The following LRRC4C variants were observed in gnomAD, a reference collection of about 807,000 sequenced individuals.
LRRC4C encodes the protein leucine rich repeat containing 4C.
LRRC4C carries 5 observed loss-of-function variants against 33.6 expected under a neutral mutation model. That is an observed-to-expected ratio of 0.15 (90% confidence interval 0.08 to 0.31). LRRC4C has a LOEUF of 0.31. Among genes scored for constraint, LRRC4C ranks in the 10% least tolerant of loss-of-function variants. The pLI is 1.00. For synonymous variants in LRRC4C, 329 were observed against 302.0 expected (o/e 1.09, Z -0.93); for missense variants, 560 against 796.7 (o/e 0.70, Z 3.58).
chr11:41,068,733 A>G (rs1938450780), intron 1 of LRRC4C, among the ~76,000 whole-genome samples: 1 of 152,160 alleles, frequency 6.6e-6, no homozygotes, highest in Non-Finnish European at 1.5e-5. Context: ...ACCAATAACA[A>G]GTTTTGAAAT....
intron 3 of LRRC4C, among the ~76,000 whole-genome samples, chr11:40,501,130 C>T (rs1565451298): frequency 1.5e-4 from 1 of 6,644 alleles, no homozygotes; most frequent in African/African-American, 6.7e-4. Context: ...CCAGGTCACA[C>T]TGGTGCAAGG....
At chr11:41,278,186 A>T (rs193165620) in intron 1 of LRRC4C, among the ~76,000 whole-genome samples, 1 of 152,314 alleles carries the variant, frequency 6.6e-6, no homozygotes, top group African/African-American at 2.4e-5. Flanking sequence ...GTGTATATTA[A>T]GTGTTCTCAC....
chr11:40,804,162 A>T (rs1951154671), intron 2 of LRRC4C, among the ~76,000 whole-genome samples: 1 of 152,134 alleles, frequency 6.6e-6, no homozygotes, highest in Non-Finnish European at 1.5e-5. Flanking sequence ...TAAAAATACC[A>T]ATCTTCTCAT....
chr11:40,999,512 C>T (rs1038291134), intron 1 of LRRC4C, among the ~76,000 whole-genome samples: 1 of 152,094 alleles, frequency 6.6e-6, no homozygotes, highest in Non-Finnish European at 1.5e-5. Context: ...AAAAACTAAG[C>T]TCTGCAAATT....
intron 1 of LRRC4C, among the ~76,000 whole-genome samples, chr11:41,083,305 C>T (rs548701655): frequency 7.9e-5 from 12 of 152,034 alleles, no homozygotes; most frequent in Admixed American, 1.3e-4. Context: ...TTACCATATG[C>T]GAGTTACCCA....
intron 3 of LRRC4C, among the ~76,000 whole-genome samples, chr11:40,594,014 T>C (rs936563013): frequency 6.6e-5 from 10 of 152,194 alleles, no homozygotes; most frequent in Non-Finnish European, 1.2e-4. Flanking sequence ...GCTGAAGCTT[T>C]GGAAGCTCAA....
intron 6 of LRRC4C, among the ~76,000 whole-genome samples, chr11:40,119,741 A>C (rs1283163265): frequency 6.6e-6 from 1 of 152,146 alleles, no homozygotes; most frequent in African/African-American, 2.4e-5. Flanking sequence ...CTACCCTTTC[A>C]GGGCTAGCAA....
chr11:41,089,417 T>TTTCCTTTA (rs1940237939), intron 1 of LRRC4C, among the ~76,000 whole-genome samples: 1 of 152,016 alleles, frequency 6.6e-6, no homozygotes, highest in African/African-American at 2.4e-5. Flanking sequence ...CTCCAGGTAA[T>TTTCCTTTA]GACTGGAGAG....
rs575845621 is a variant in LRRC4C at position 40,564,177 on chromosome 11, C to T, written c.-270+83965G>A. 1.6e-3 allele frequency among the ~76,000 whole-genome samples: 237 copies of T among 152,200 alleles called. 1 individual carries two copies. The highest frequency in any genetic ancestry group is 3.5e-3 in the Admixed American group (54 of 15,282). On this transcript the variant is annotated intron_variant, in intron 3 of 6. Coordinates refer to ENST00000528697, the MANE Select transcript of LRRC4C (RefSeq NM_001258419.2). ...TTCTTAGGACATTGGCTTTAATGCC[C>T]TGTAAAAGACCATAGGGAATGGGCA...
At chr11:40,819,838 C>T (rs1232956682) in intron 2 of LRRC4C, among the ~76,000 whole-genome samples, 4 of 151,900 alleles carry the variant, frequency 2.6e-5, no homozygotes, top group East Asian at 3.9e-4. Context: ...TAATTATTAA[C>T]GTACTCAAGA....
intron 3 of LRRC4C, among the ~76,000 whole-genome samples, chr11:40,532,354 TGCA>T (rs1420220230): frequency 6.6e-6 from 1 of 151,986 alleles, no homozygotes; most frequent in Non-Finnish European, 1.5e-5. Flanking sequence ...AAATTCAGAG[TGCA>T]TTCAACTTCT....
At chr11:40,142,048 C>T (rs146808005) in intron 5 of LRRC4C, among the ~76,000 whole-genome samples, 2,141 of 151,924 alleles carry the variant, frequency 0.014, 12 homozygotes, top group Non-Finnish European at 0.015. Flanking sequence ...TCTCGGAGGC[C>T]GAGGTGGGTG....
intron 2 of LRRC4C, among the ~76,000 whole-genome samples, chr11:40,932,539 G>A (rs1401219206): frequency 6.6e-6 from 1 of 152,104 alleles, no homozygotes; most frequent in Admixed American, 6.6e-5. Context: ...CCAGGGAAAT[G>A]GAGAAATGCA....
chr11:40,671,895 G>A (rs371729611), intron 2 of LRRC4C, among the ~76,000 whole-genome samples: 17 of 151,698 alleles, frequency 1.1e-4, no homozygotes, highest in Admixed American at 3.3e-4. Context: ...TTTCAAAAAC[G>A]AGATTTTGTC....
chr11:40,683,338 T>A (rs1374296912), intron 2 of LRRC4C, among the ~76,000 whole-genome samples: 1 of 152,166 alleles, frequency 6.6e-6, no homozygotes, highest in Non-Finnish European at 1.5e-5. Context: ...AACACTCCTA[T>A]TATTTAGAAC....
intron 2 of LRRC4C, among the ~76,000 whole-genome samples, chr11:40,821,865 T>C (rs1030581283): frequency 4.0e-5 from 6 of 151,718 alleles, no homozygotes; most frequent in Non-Finnish European, 7.4e-5. Flanking sequence ...GTGAATAGTA[T>C]GGTCAAATGA....
chr11:40,195,412 T>G (rs1344660901), intron 5 of LRRC4C, among the ~76,000 whole-genome samples: 5 of 152,116 alleles, frequency 3.3e-5, no homozygotes, highest in African/African-American at 1.2e-4. Context: ...AATCTAAAAT[T>G]AATAAAAGCA....
intron 1 of LRRC4C, among the ~76,000 whole-genome samples, chr11:40,945,602 C>T (rs149380146): frequency 6.6e-6 from 1 of 152,160 alleles, no homozygotes; most frequent in East Asian, 1.9e-4. Flanking sequence ...AATGCAAATT[C>T]GCTGACAAGT....
At chr11:40,179,450 C>T (rs775880241) in intron 5 of LRRC4C, among the ~76,000 whole-genome samples, 14 of 152,126 alleles carry the variant, frequency 9.2e-5, no homozygotes, top group African/African-American at 1.7e-4. Context: ...TGTCCACCAC[C>T]GGAGGCCACA....
Sources: gnomAD v4.1 joint callset for allele counts (sites outside exome capture counted in the v4.1 genomes callset) on GRCh38, gnomAD v4.1.1 for gene constraint, MANE v1.5 for transcripts, NCBI Gene and HGNC (gene_info 2026-07-23, HGNC 2026-07-21) for gene names.